The following CABIN1 variants were observed in gnomAD, a reference collection of about 807,000 sequenced individuals.
The protein encoded by CABIN1 is calcineurin binding protein 1.
A neutral mutation model predicts 227.7 loss-of-function variants in CABIN1; 133 were observed. The ratio of observed to expected loss-of-function variants is 0.58; its 90% CI spans 0.51 to 0.67. The LOEUF (loss-of-function observed/expected upper bound fraction) is 0.67. CABIN1 is among the 30% of genes least tolerant of loss of function. The pLI, the probability that CABIN1 is intolerant of heterozygous loss-of-function variation, is 0.00. For synonymous variants in CABIN1, 1,086 were observed against 1,155.1 expected (o/e 0.94, Z 1.21); for missense variants, 2,408 against 2,852.5 (o/e 0.84, Z 3.55).
At position 24,171,754 on chromosome 22, in the gene CABIN1, C is replaced by T; in HGVS notation, c.5799C>T (p.Asp1933=). The T allele has an allele frequency of 4.3e-6, 7 of 1,614,208 alleles. No homozygotes were observed. The highest frequency in any genetic ancestry group is 5.9e-6 in the Non-Finnish European group (7 of 1,180,042). Residue 1933 remains aspartate (D), a synonymous_variant, in exon 34 of 37, where the codon GAC becomes GAT. Coordinates refer to ENST00000263119, the MANE Select transcript of CABIN1 (RefSeq NM_012295.4). ...CCACCACTCCAAAGCACCCCAAAGA[C>T]AGCCGAGAGAACTTCTTTCCTGTGA... ...DTPTTPKHPK[D]SRENFFPVTV...
chr22:24,077,958 T>G (rs1176220199), intron 19 of CABIN1, among the ~76,000 whole-genome samples: 1 of 152,214 alleles, frequency 6.6e-6, no homozygotes, highest in Admixed American at 6.5e-5. Flanking sequence ...AGTTGAGCAC[T>G]GTTGTGTTTC....
chr22:24,044,962 CA>C (rs2037730976), intron 6 of CABIN1, among the ~76,000 whole-genome samples: 2 of 151,386 alleles, frequency 1.3e-5, no homozygotes, highest in South Asian at 4.2e-4. Context: ...CTCTGTCACC[CA>C]GGCTGGAGTG....
At chr22:24,135,827 C>G (rs1435728121) in intron 29 of CABIN1, among the ~76,000 whole-genome samples, 1 of 152,194 alleles carries the variant, frequency 6.6e-6, no homozygotes, top group Non-Finnish European at 1.5e-5. Context: ...CAGGCCAATT[C>G]TCAGGGTACG....
At chr22:24,124,693 G>GGCATCAGACACCTCTT (rs2043612812) in intron 28 of CABIN1, among the ~76,000 whole-genome samples, 1 of 152,160 alleles carries the variant, frequency 6.6e-6, no homozygotes, top group South Asian at 2.1e-4. Context: ...GAGAGCACAT[G>GGCATCAGACACCTCTT]GCATCAGACA....
At chr22:24,162,888 G>A (rs1292200827) in intron 29 of CABIN1, among the ~76,000 whole-genome samples, 2 of 152,218 alleles carry the variant, frequency 1.3e-5, no homozygotes, top group African/African-American at 4.8e-5. Context: ...TGGTGTCTAT[G>A]TGCCCTGGGA....
At chr22:24,024,719 A>C (rs1416389022) in intron 1 of CABIN1, among the ~76,000 whole-genome samples, 2 of 150,972 alleles carry the variant, frequency 1.3e-5, no homozygotes, top group Non-Finnish European at 3.0e-5. Context: ...TATTCTTTTT[A>C]TTTTTCTCAC....
In CABIN1 at chr22:24,177,968, C is replaced by T; in HGVS notation, c.6520-85C>T. On this transcript the variant is annotated intron_variant, in intron 36 of 36. Transcript: ENST00000263119. This position sits in a 1 kb window ranked among gnomAD's most constrained non-coding sequence, Gnocchi z 4.4. ...GGCAGGGGTGAGGGTGGGAGGGGGG[C>T]CTGGGGCAGGGGTGAAGGTGGCAGA... 6.3e-7 allele frequency: 1 copy of T among 1,597,126 alleles called. No individual in the cohort carries two copies. Among genetic ancestry groups the T allele is most frequent in the Non-Finnish European group, 8.5e-7 (1 of 1,172,138 alleles).
intron 1 of CABIN1, among the ~76,000 whole-genome samples, chr22:24,033,129 A>G (rs1242266589): frequency 6.6e-6 from 1 of 152,168 alleles, no homozygotes; most frequent in Non-Finnish European, 1.5e-5. Context: ...TTTGATTAGC[A>G]GTATTCTTTT....
rs777485859 is a variant in CABIN1, at chr22:24,038,357, G to T, written c.106G>T (p.Ala36Ser). The T allele has an allele frequency of 6.2e-7, 1 of 1,613,402 alleles. No individual in the cohort carries two copies. Among genetic ancestry groups the T allele is most frequent in the Non-Finnish European group, 8.5e-7 (1 of 1,179,352 alleles). ...TTGTCTTGATTTGCAGGAAGCAGAG[G>T]CTTTTGCATTGTACCACAAGGCCCT... is the stretch of plus-strand genomic sequence containing the variant. ...TQTKEAQEAE[A>S]FALYHKALDL... is the part of the protein sequence containing the mutation. The change falls in exon 4 of 37, where the codon GCT (alanine) becomes TCT (serine). Residue 36 changes from alanine (A) to serine (S), a missense_variant. Physicochemically the swap from Ala to Ser is moderately conservative, Grantham distance 99. Transcript: ENST00000263119.
chr22:24,051,222 C>T (rs1006367375), intron 8 of CABIN1, among the ~76,000 whole-genome samples: 1 of 152,180 alleles, frequency 6.6e-6, no homozygotes, highest in Non-Finnish European at 1.5e-5. Context: ...ACCCCAGCCA[C>T]CTGCCACATT....
intron 12 of CABIN1, among the ~76,000 whole-genome samples, chr22:24,061,355 G>T (rs1450132165): frequency 6.6e-6 from 1 of 152,242 alleles, no homozygotes; most frequent in Non-Finnish European, 1.5e-5. Flanking sequence ...TGACTTGAGA[G>T]CACAGGAGGT....
At chr22:24,152,977 C>G (rs2045580017) in intron 29 of CABIN1, among the ~76,000 whole-genome samples, 1 of 151,936 alleles carries the variant, frequency 6.6e-6, no homozygotes, top group African/African-American at 2.4e-5. Flanking sequence ...ATCTACAGGT[C>G]TGCACCCACT....
chr22:24,125,122 G>A (rs968037478), intron 28 of CABIN1, among the ~76,000 whole-genome samples: 1 of 152,194 alleles, frequency 6.6e-6, no homozygotes, highest in South Asian at 2.1e-4. Flanking sequence ...ATGAGGAGTA[G>A]CAGCCTGGCA....
chr22:24,174,071 C>T (rs2046977674), intron 34 of CABIN1, among the ~76,000 whole-genome samples: 1 of 151,278 alleles, frequency 6.6e-6, no homozygotes, highest in Non-Finnish European at 1.5e-5. Flanking sequence ...TCTTGAACTC[C>T]TGACCTCAGG....
chr22:24,061,906 T>G (rs2039220877), intron 12 of CABIN1, 41 bp from the exon 13 acceptor site: 6 of 1,475,126 alleles, frequency 4.1e-6, no homozygotes, highest in Non-Finnish European at 5.7e-6. Context: ...GTGAAGAGGC[T>G]TTGTGATACT....
chr22:24,015,981 C>T (rs1253481747), intron 1 of CABIN1, among the ~76,000 whole-genome samples: 3 of 152,122 alleles, frequency 2.0e-5, no homozygotes, highest in Non-Finnish European at 4.4e-5. Flanking sequence ...CAAGCAAAAA[C>T]ATCTTTATTG....
intron 19 of CABIN1, among the ~76,000 whole-genome samples, chr22:24,082,781 ATTAT>A (rs1197422010): frequency 6.6e-6 from 1 of 152,198 alleles, no homozygotes; most frequent in Admixed American, 6.5e-5. Flanking sequence ...TTATGTTATA[ATTAT>A]TTGTTTATAG....
chr22:24,114,277 G>T (rs968319857), intron 27 of CABIN1, among the ~76,000 whole-genome samples: 1 of 152,158 alleles, frequency 6.6e-6, no homozygotes, highest in Non-Finnish European at 1.5e-5. Flanking sequence ...ATAGAAATCA[G>T]TTGGCAGAGC....
At chr22:24,038,533 C>T (rs757313080) in intron 4 of CABIN1, 72 bp downstream of exon 4, 496 of 1,037,364 alleles carry the variant, frequency 4.8e-4, no homozygotes, top group Non-Finnish European at 6.2e-4. Context: ...GTACTCTGGG[C>T]CTTACCTCTG....
Sources: allele counts gnomAD v4.1 joint callset (sites outside exome capture counted in the v4.1 genomes callset), GRCh38; gene constraint gnomAD v4.1.1; non-coding constraint Gnocchi (gnomAD v3.1); transcripts MANE v1.5; gene names NCBI Gene and HGNC (gene_info 2026-07-23, HGNC 2026-07-21).